IMPG1: variants seen among roughly 807,000 people sequenced by gnomAD.
IMPG1 encodes the protein interphotoreceptor matrix proteoglycan 1.
In IMPG1, 85 loss-of-function variants were observed where a neutral mutation model predicts 92.0. That is an observed-to-expected ratio of 0.92 (90% CI 0.78 to 1.11). The LOEUF (loss-of-function observed/expected upper bound fraction) is 1.11, where lower values mean the gene tolerates loss of function less well. Ranked by LOEUF, IMPG1 falls within the 50% of genes least tolerant of loss-of-function variation. The pLI, the probability that IMPG1 is intolerant of heterozygous loss-of-function variation, is 0.00. For missense variants in IMPG1, 1,022 were observed against 956.0 expected (o/e 1.07, Z -0.91); for synonymous variants, 367 against 334.1 (o/e 1.10, Z -1.08).
chr6:76,034,267 T>A, intron 4 of IMPG1, 48 bp downstream of exon 4: 1 of 1,579,408 alleles, frequency 6.3e-7, no homozygotes. Flanking sequence ...TATATGATCT[T>A]TTTAAATTCA....
chr6:76,072,601 GA>G lies in IMPG1; in HGVS notation c.-114del. 1.6e-6 allele frequency: 1 copy of G among 622,980 alleles called. No homozygotes were observed. The highest frequency in any genetic ancestry group is 2.8e-6 in the Non-Finnish European group (1 of 362,686). 38.6% of individuals were successfully genotyped at this position (622,980 alleles called of 1,614,324 possible). A position where few individuals can be genotyped will look rare whatever the true frequency, so the allele number is the denominator to read the frequency against. On this transcript the variant is annotated 5_prime_UTR_variant, in exon 1 of 17. Coordinates refer to ENST00000369950, the MANE Select transcript of IMPG1 (RefSeq NM_001563.4). ...TATATATTGATACCAGATGATTGAGGATAACCTTCTTGGTTTACCTTTATGA... is the reference window on the plus strand; with the variant it reads ...TATATATTGATACCAGATGATTGAGGTAACCTTCTTGGTTTACCTTTATGA...
rs546387027 is a variant in IMPG1 at position 76,061,314 on chromosome 6, G to T, written c.67+11108C>A. Among the ~76,000 whole-genome samples, 40 of 152,284 alleles carry T rather than the reference G, an allele frequency of 2.6e-4. No homozygotes were observed. In the South Asian group the frequency reaches 8.1e-3, roughly 31 times the overall value. ...TAAGGACATCCTCTTAGACACAGTT[G>T]AACAAGAAAGTCTGTCTGGGACCTT... On this transcript the variant is annotated intron_variant, in intron 1 of 16. Coordinates refer to ENST00000369950, the MANE Select transcript of IMPG1 (RefSeq NM_001563.4).
chr6:76,034,281 G>GCA lies in IMPG1; in HGVS notation c.497+32_497+33dup, dbSNP rs113927023. On this transcript the variant is annotated intron_variant, in intron 4 of 16. Coordinates refer to ENST00000369950, the MANE Select transcript of IMPG1 (RefSeq NM_001563.4). ...TTATATGATCTTTTTAAATTCAAAA[G>GCA]CACACACACACACACTCTATTTTGG... 1.2e-3 allele frequency: 1,829 copies of GCA among 1,577,954 alleles called. 6 individuals are homozygous for GCA. The highest frequency in any genetic ancestry group is 0.011 in the African/African-American group (826 of 73,968).
At chr6:75,927,344 G>C (rs1053515278) in intron 15 of IMPG1, among the ~76,000 whole-genome samples, 5 of 152,108 alleles carry the variant, frequency 3.3e-5, no homozygotes, top group African/African-American at 4.8e-5. Context: ...TTAAATTTGG[G>C]TCTAACTTTA....
intron 15 of IMPG1, among the ~76,000 whole-genome samples, chr6:75,924,551 T>TTA (rs1554226473): frequency 3.4e-4 from 8 of 23,456 alleles, no homozygotes; most frequent in African/African-American, 1.0e-3. Flanking sequence ...TATAATATAA[T>TTA]TAATATAATT....
At chr6:75,934,688 T>C (rs533210043) in intron 14 of IMPG1, among the ~76,000 whole-genome samples, 43 of 152,258 alleles carry the variant, frequency 2.8e-4, no homozygotes, top group African/African-American at 9.6e-4. Context: ...TGGTCCCAAG[T>C]GCACTCATGT....
chr6:75,997,101 T>A (rs146775538), intron 12 of IMPG1, among the ~76,000 whole-genome samples: 2 of 152,358 alleles, frequency 1.3e-5, no homozygotes, highest in South Asian at 2.1e-4. Flanking sequence ...GAACTTTGAT[T>A]CACTTTTCAT....
At chr6:76,030,710 T>C (rs1783639037) in intron 4 of IMPG1, among the ~76,000 whole-genome samples, 1 of 152,258 alleles carries the variant, frequency 6.6e-6, no homozygotes, top group South Asian at 2.1e-4. Context: ...AATCCTTAAA[T>C]AGGCCTCTGA....
chr6:76,033,204 G>C (rs1457779127), intron 4 of IMPG1, among the ~76,000 whole-genome samples: 3 of 152,156 alleles, frequency 2.0e-5, no homozygotes, highest in Non-Finnish European at 2.9e-5. Context: ...GCTGAAGAAG[G>C]CCAATAGGCC....
Position 76,042,248 on chromosome 6 carries a change from G to T in IMPG1, c.68-122C>A, listed in dbSNP as rs988170826. The T allele has an allele frequency of 2.2e-5, 14 of 641,726 alleles. 1 individual carries two copies. The highest frequency in any genetic ancestry group is 3.0e-5 in the Non-Finnish European group (11 of 362,684). The allele number at this position is 641,726 out of a possible 1,614,324, so 39.8% of individuals were successfully genotyped here. ...TCCTTTAGTTTATGAAATTTCTACC[G>T]TGGTGCAACTGCTAAACGTAATATT... On this transcript the variant is annotated intron_variant, in intron 1 of 16. Transcript: ENST00000369950.
intron 1 of IMPG1, among the ~76,000 whole-genome samples, chr6:76,044,202 G>A (rs1783893850): frequency 6.6e-6 from 1 of 152,210 alleles, no homozygotes; most frequent in Non-Finnish European, 1.5e-5. Context: ...ACCCATTACA[G>A]TTAGTAAAAT....
At chr6:75,927,155 C>G (rs1781569106) in intron 15 of IMPG1, among the ~76,000 whole-genome samples, 1 of 152,140 alleles carries the variant, frequency 6.6e-6, no homozygotes, top group Non-Finnish European at 1.5e-5. Context: ...TTGACAGAAA[C>G]AGCTCCAATA....
At chr6:75,923,117 T>C (rs1419144751) in intron 16 of IMPG1, among the ~76,000 whole-genome samples, 1 of 152,096 alleles carries the variant, frequency 6.6e-6, no homozygotes, top group African/African-American at 2.4e-5. Context: ...AATAAAATTA[T>C]TTTAGTAAAA....
In IMPG1 at chr6:76,005,311, C is replaced by T. The variant is rs1783075069; in HGVS notation, c.1111G>A (p.Val371Met). ...KALEEEQSLD[V>M]GTIQFTDEIA... The stretch of plus-strand genomic sequence containing the variant: ...CCATCAGTGAACTGAATTGTCCCCA[C>T]ATCCAAAGATTGTTCTTCCTCTAGT... Residue 371 changes from valine to methionine, a missense_variant, in exon 10 of 17, where the codon GTG (valine) becomes ATG (methionine). Coordinates refer to ENST00000369950, the MANE Select transcript of IMPG1 (RefSeq NM_001563.4). 4 of 1,614,034 alleles carry T rather than the reference C, an allele frequency of 2.5e-6. No individual in the cohort carries two copies. The highest frequency in any genetic ancestry group is 1.1e-5 in the South Asian group (1 of 91,082).
At chr6:76,002,164 A>G (rs983694875) in intron 12 of IMPG1, among the ~76,000 whole-genome samples, 1 of 152,114 alleles carries the variant, frequency 6.6e-6, no homozygotes, top group East Asian at 1.9e-4. Flanking sequence ...TTTTACTTGT[A>G]GTTTTACCAC....
At chr6:76,049,035 C>G (rs1266207988) in intron 1 of IMPG1, among the ~76,000 whole-genome samples, 1 of 152,156 alleles carries the variant, frequency 6.6e-6, no homozygotes, top group South Asian at 2.1e-4. Flanking sequence ...GGAATGAATT[C>G]ATGTCCTTTG....
chr6:75,964,060 T>G (rs1782258240), intron 12 of IMPG1, among the ~76,000 whole-genome samples: 1 of 152,142 alleles, frequency 6.6e-6, no homozygotes, highest in East Asian at 1.9e-4. Flanking sequence ...AAAAAGCACT[T>G]TCAAAAGCTC....
chr6:75,965,082 A>T (rs1023123850), intron 12 of IMPG1, among the ~76,000 whole-genome samples: 3 of 152,172 alleles, frequency 2.0e-5, no homozygotes, highest in Non-Finnish European at 2.9e-5. Context: ...TGTACCACAG[A>T]TGGTTTAACC....
At chr6:76,031,859 G>A (rs1435536829) in intron 4 of IMPG1, among the ~76,000 whole-genome samples, 3 of 152,182 alleles carry the variant, frequency 2.0e-5, no homozygotes, top group South Asian at 2.1e-4. Flanking sequence ...GTGGGATGAC[G>A]TTTTCTTGTC....
Sources: allele counts gnomAD v4.1 joint callset (sites outside exome capture counted in the v4.1 genomes callset), GRCh38; gene constraint gnomAD v4.1.1; transcripts MANE v1.5; gene names NCBI Gene and HGNC (gene_info 2026-07-23, HGNC 2026-07-21).